MTFR2: variants seen among roughly 807,000 people sequenced by gnomAD.
The protein encoded by MTFR2 is mitochondrial fission regulator 2, also known as DUF729 domain-containing protein 1.
Under a neutral mutation model 41.2 loss-of-function variants are expected in MTFR2, and 44 were observed. That is an observed-to-expected ratio of 1.07 (90% CI 0.84 to 1.37). The LOEUF (loss-of-function observed/expected upper bound fraction) is 1.37. Ranked by LOEUF, MTFR2 falls within the 40% of genes most tolerant of loss-of-function variation. The pLI, the probability that MTFR2 is intolerant of heterozygous loss-of-function variation, is 0.00. For synonymous variants in MTFR2, 141 were observed against 154.6 expected, an observed-to-expected ratio of 0.91 and a Z score of 0.65; for missense variants, 452 against 459.5, an observed-to-expected ratio of 0.98 and a Z score of 0.15.
At chr6:136,248,127 T>G (rs990164655) in intron 2 of MTFR2, among the ~76,000 whole-genome samples, 3 of 152,216 alleles carry the variant, frequency 2.0e-5, no homozygotes, top group Admixed American at 2.0e-4. Context: ...CCACCCGTCT[T>G]CCTTACAATC....
At chr6:136,244,250 CCCAGAGCAACT>C (rs1188476185) in intron 3 of MTFR2, among the ~76,000 whole-genome samples, 14 of 152,316 alleles carry the variant, frequency 9.2e-5, no homozygotes, top group Admixed American at 2.6e-4. Flanking sequence ...CACTGACTCA[CCCAGAGCAACT>C]TCCCATCTTC....
chr6:136,232,962 A>T (rs1048808864), intron 7 of MTFR2, among the ~76,000 whole-genome samples: 1 of 152,210 alleles, frequency 6.6e-6, no homozygotes, highest in African/African-American at 2.4e-5. Context: ...GCGTATTCAC[A>T]TTCCATATGG....
intron 6 of MTFR2, among the ~76,000 whole-genome samples, chr6:136,236,593 G>A (rs1187989974): frequency 6.6e-6 from 1 of 152,048 alleles, no homozygotes; most frequent in South Asian, 2.1e-4. Flanking sequence ...ATCTAGTTGG[G>A]ACCAAGCATG....
intron 2 of MTFR2, chr6:136,247,485 T>C (rs1000494300): frequency 6.6e-6 from 3 of 456,050 alleles, no homozygotes; most frequent in Non-Finnish European, 1.3e-5. Flanking sequence ...TGCTCAATCC[T>C]CTCTCATGTG....
intron 7 of MTFR2, among the ~76,000 whole-genome samples, chr6:136,231,935 A>G (rs1381054528): frequency 6.6e-6 from 1 of 152,188 alleles, no homozygotes; most frequent in Non-Finnish European, 1.5e-5. Flanking sequence ...TAGGCACTAC[A>G]GGGATCATTT....
Position 136,233,325 on chromosome 6 carries a change from C to A in MTFR2, c.1044G>T (p.Arg348Ser). Residue 348 changes from arginine (R) to serine (S), a missense_variant and splice_region_variant, in exon 7 of 8, where the codon AGG (arginine) becomes AGT (serine). Coordinates refer to ENST00000420702, the MANE Select transcript of MTFR2 (RefSeq NM_001099286.3). ...TTAATTTTACATTAGTGTAGCTTAC[C>A]CTTGAAGTTTCTGGACTAGAAAATG... The part of the protein sequence containing the change: ...SSPFSSPETS[R>S]FGHHISQSEG... 1.2e-6 allele frequency: 2 copies of A among 1,610,590 alleles called. No homozygotes were observed. Among genetic ancestry groups the A allele is most frequent in the South Asian group, 1.1e-5 (1 of 90,722 alleles).
chr6:136,234,934 G>A (rs1174374329), intron 6 of MTFR2, among the ~76,000 whole-genome samples: 5 of 152,198 alleles, frequency 3.3e-5, no homozygotes, highest in Admixed American at 6.5e-5. Context: ...GTCTCGCTTT[G>A]TCACCAAGGC....
intron 6 of MTFR2, among the ~76,000 whole-genome samples, chr6:136,234,576 G>C (rs1445199429): frequency 6.6e-6 from 1 of 152,174 alleles, no homozygotes; most frequent in African/African-American, 2.4e-5. Context: ...CTCAGCGAGA[G>C]AAGTGAGGGC....
chr6:136,246,223 C>T (rs1479738654), intron 2 of MTFR2, among the ~76,000 whole-genome samples: 1 of 152,052 alleles, frequency 6.6e-6, no homozygotes, highest in Non-Finnish European at 1.5e-5. Flanking sequence ...TCTTGTCCTT[C>T]CTCTCATTCC....
intron 5 of MTFR2, among the ~76,000 whole-genome samples, chr6:136,240,420 T>C (rs976148336): frequency 6.6e-6 from 1 of 151,748 alleles, no homozygotes; most frequent in African/African-American, 2.4e-5. Context: ...AAATATACAC[T>C]GTATAAATAT....
In MTFR2 at chr6:136,241,600, G is replaced by A; in HGVS notation, c.358C>T (p.Pro120Ser). The change falls in exon 5 of 8, where the codon CCT (proline) becomes TCT (serine). Residue 120 changes from proline (P) to serine (S), a missense_variant. Transcript: ENST00000420702. Reference sequence around the variant, plus strand: ...ACAGTTTCTTTCTGTCTTACAGCAGGTGACAGTGGATCCCGAACTAGTCGC... The same window carrying A: ...ACAGTTTCTTTCTGTCTTACAGCAGATGACAGTGGATCCCGAACTAGTCGC... ...PLRLVRDPLS[P>S]AVRQKETVKN... The A allele has an allele frequency of 1.9e-6, 3 of 1,614,102 alleles. No homozygotes were observed. Among genetic ancestry groups the A allele is most frequent in the South Asian group, 1.1e-5 (1 of 91,082 alleles).
intron 6 of MTFR2, among the ~76,000 whole-genome samples, chr6:136,235,038 C>T (rs539812262): frequency 2.6e-5 from 4 of 152,236 alleles, no homozygotes; most frequent in East Asian, 1.9e-4. Context: ...TACAGGTGTG[C>T]GCCATCATGT....
intron 7 of MTFR2, 58 bp from the exon 8 acceptor site, chr6:136,231,446 ATGGCAAGAC>A: frequency 1.8e-6 from 2 of 1,103,858 alleles, no homozygotes; most frequent in Non-Finnish European, 2.6e-6. Flanking sequence ...AAAAAAAAGA[ATGGCAAGAC>A]AAAGGCCAGA....
intron 6 of MTFR2, among the ~76,000 whole-genome samples, chr6:136,238,762 T>C (rs1280370116): frequency 1.3e-5 from 2 of 151,244 alleles, no homozygotes; most frequent in African/African-American, 2.4e-5. Context: ...ACAAATAAAA[T>C]GTAGTCAAAA....
chr6:136,237,721 A>G (rs1361123997), intron 6 of MTFR2, among the ~76,000 whole-genome samples: 1 of 152,032 alleles, frequency 6.6e-6, no homozygotes, highest in African/African-American at 2.4e-5. Flanking sequence ...GCAGCAAAAG[A>G]ATTGCTTGAA....
In MTFR2 at chr6:136,244,697, C is replaced by G. The variant is rs1780169236; in HGVS notation, c.168+68G>C. The G allele has an allele frequency of 1.4e-5, 15 of 1,080,218 alleles. No homozygotes were observed. The South Asian group carries it at 1.8e-4, about 13-fold the overall frequency. 66.9% of individuals were successfully genotyped at this position (1,080,218 alleles called of 1,614,324 possible). A position where few individuals can be genotyped will look rare whatever the true frequency, so the allele number is the denominator to read the frequency against. The stretch of plus-strand genomic sequence containing the variant: ...TGTTTCTTCCTTTGTTGTTCTACCC[C>G]ATACCTGTAAGAGTACCTAGGATTA... On this transcript the variant is annotated intron_variant, in intron 3 of 7. Transcript: ENST00000420702.
At chr6:136,246,291 GTTTT>G (rs992612321) in intron 2 of MTFR2, among the ~76,000 whole-genome samples, 1 of 147,324 alleles carries the variant, frequency 6.8e-6, no homozygotes, top group African/African-American at 2.5e-5. Flanking sequence ...GCTTTTTGAG[GTTTT>G]TTTTTTGAGA....
intron 5 of MTFR2, among the ~76,000 whole-genome samples, chr6:136,240,860 G>A (rs543316496): frequency 5.3e-5 from 8 of 152,306 alleles, no homozygotes; most frequent in Admixed American, 4.6e-4. Context: ...GGGAGGCCAA[G>A]GCGGGCAGAT....
intron 7 of MTFR2, 113 bp from the exon 8 acceptor site, chr6:136,231,501 C>G: frequency 1.5e-6 from 1 of 655,804 alleles, no homozygotes. Flanking sequence ...TATTTATTTA[C>G]CGTATTTATT....
Sources: allele counts gnomAD v4.1 joint callset (sites outside exome capture counted in the v4.1 genomes callset), GRCh38; gene constraint gnomAD v4.1.1; transcripts MANE v1.5; gene names NCBI Gene and HGNC (gene_info 2026-07-23, HGNC 2026-07-21).